Variants in PRKDC observed in about 807,000 individuals in gnomAD.
The protein encoded by PRKDC is protein kinase, DNA-activated, catalytic subunit, also known as DNA-dependent protein kinase catalytic subunit.
In PRKDC, 82 loss-of-function variants were observed where a neutral mutation model predicts 486.9. That is an observed-to-expected ratio of 0.17 (90% CI 0.14 to 0.20). PRKDC has a LOEUF of 0.20. Ranked by LOEUF, PRKDC falls within the 10% of genes least tolerant of loss-of-function variation. The probability of loss-of-function intolerance (pLI) is 1.00; values close to 1 mark genes in which losing one functional copy is unlikely to be tolerated. For synonymous variants in PRKDC, 1,895 were observed against 1,837.0 expected, an observed-to-expected ratio of 1.03 and a Z score of -0.81; for missense variants, 4,504 against 5,038.2, an observed-to-expected ratio of 0.89 and a Z score of 3.21.
At chr8:47,888,712 A>G in intron 33 of PRKDC, 62 bp from the exon 34 acceptor site, 1 of 1,478,406 alleles carries the variant, frequency 6.8e-7, no homozygotes, top group Non-Finnish European at 9.0e-7. Context: ...ATCAAGATAC[A>G]CTGAAAAAAA....
chr8:47,795,408 C>T (rs1201557488), intron 73 of PRKDC, among the ~76,000 whole-genome samples: 1 of 151,592 alleles, frequency 6.6e-6, no homozygotes, highest in Non-Finnish European at 1.5e-5. Context: ...CCAGGATGGT[C>T]TCAATCTCGT....
At chr8:47,777,118 C>G in intron 84 of PRKDC, 135 bp from the exon 85 acceptor site, 15 of 1,068,898 alleles carry the variant, frequency 1.4e-5, no homozygotes, top group Non-Finnish European at 1.9e-5. Flanking sequence ...TCTACAGCTA[C>G]AAAGCTGTTC....
At chr8:47,813,911 A>C (rs1024913236) in intron 68 of PRKDC, among the ~76,000 whole-genome samples, 1 of 152,258 alleles carries the variant, frequency 6.6e-6, no homozygotes, top group Non-Finnish European at 1.5e-5. Flanking sequence ...AACATGCCTT[A>C]CTCATCTTAT....
chr8:47,798,693 G>A (rs920127229), intron 72 of PRKDC, among the ~76,000 whole-genome samples: 11 of 152,232 alleles, frequency 7.2e-5, no homozygotes, highest in African/African-American at 2.6e-4. Context: ...CAGGCCACAC[G>A]AGCCAGTAAT....
rs186056152 is a variant in PRKDC at position 47,871,008 on chromosome 8, T to A, written c.5364-6245A>T. On this transcript the variant is annotated intron_variant, in intron 40 of 85. Coordinates refer to ENST00000314191, the MANE Select transcript of PRKDC (RefSeq NM_006904.7). ...GCAGAAGAAAGAATTAATGAACATG[T>A]AGGCAGGCTATTTGAAAATACACAG... Among the ~76,000 whole-genome samples, 607 of 152,224 alleles carry A rather than the reference T, an allele frequency of 4.0e-3. 4 individuals are homozygous for A. The highest frequency in any genetic ancestry group is 0.025 in the South Asian group (120 of 4,830).
intron 21 of PRKDC, chr8:47,926,709 CTT>C (rs1325624037): frequency 6.6e-6 from 1 of 152,206 alleles, no homozygotes; most frequent in African/African-American, 2.4e-5. Context: ...TTCTTTGACT[CTT>C]TTCCCAAACC....
chr8:47,900,291 A>C, intron 28 of PRKDC, 82 bp downstream of exon 28: 1 of 988,006 alleles, frequency 1.0e-6, no homozygotes, highest in Non-Finnish European at 1.4e-6. Flanking sequence ...AAACCTTATA[A>C]GAGAATCACA....
At chr8:47,865,251 T>C (rs976390009) in intron 40 of PRKDC, among the ~76,000 whole-genome samples, 3 of 152,000 alleles carry the variant, frequency 2.0e-5, no homozygotes, top group Admixed American at 6.6e-5. Flanking sequence ...CTGGGCGTGG[T>C]GGTGTGCGCC....
intron 12 of PRKDC, 73 bp downstream of exon 12, chr8:47,936,280 G>C: frequency 6.8e-7 from 1 of 1,479,144 alleles, no homozygotes; most frequent in Non-Finnish European, 9.1e-7. Context: ...TAAATGTATT[G>C]TATGACTCCA....
At chr8:47,893,527 T>A in intron 30 of PRKDC, 140 bp from the exon 31 acceptor site, 1 of 861,520 alleles carries the variant, frequency 1.2e-6, no homozygotes, top group Non-Finnish European at 1.6e-6. Context: ...TGTAATTACT[T>A]CCAAGAAGGT....
chr8:47,899,278 T>C (rs2154502194), intron 28 of PRKDC, among the ~76,000 whole-genome samples: 1 of 152,300 alleles, frequency 6.6e-6, no homozygotes, highest in African/African-American at 2.4e-5. Flanking sequence ...CAATGAGGAC[T>C]AAATTTTACA....
rs2087317225 is a variant in PRKDC at position 47,811,100 on chromosome 8, A to C, written c.9558-3774T>G. ...AGGTAAGTGAACTTCAGATGGGATAAATTCAAAGAGAACCAGGCCTAGACA... is the reference window on the plus strand; with the variant it reads ...AGGTAAGTGAACTTCAGATGGGATACATTCAAAGAGAACCAGGCCTAGACA... On this transcript the variant is annotated intron_variant, in intron 68 of 85. Coordinates refer to ENST00000314191, the MANE Select transcript of PRKDC (RefSeq NM_006904.7). Among the ~76,000 whole-genome samples, 3 of 152,372 alleles carry C rather than the reference A, an allele frequency of 2.0e-5. No homozygotes were observed. The South Asian group carries it at 6.2e-4, about 32-fold the overall frequency.
At chr8:47,884,154 C>T (rs1229070942) in intron 36 of PRKDC, among the ~76,000 whole-genome samples, 3 of 152,236 alleles carry the variant, frequency 2.0e-5, no homozygotes, top group Non-Finnish European at 4.4e-5. Context: ...ATGCCAGAGC[C>T]CCCAGTCTGG....
chr8:47,870,449 C>G (rs189270287), intron 40 of PRKDC, among the ~76,000 whole-genome samples: 240 of 152,268 alleles, frequency 1.6e-3, no homozygotes, highest in African/African-American at 5.4e-3. Context: ...AAGGTGGTAC[C>G]TCTATAAGTC....
intron 7 of PRKDC, among the ~76,000 whole-genome samples, chr8:47,945,601 G>A (rs981026965): frequency 2.6e-5 from 4 of 152,198 alleles, no homozygotes; most frequent in South Asian, 4.1e-4. Flanking sequence ...TTAAGTCTAA[G>A]TAATGTTCCA....
At position 47,858,967 on chromosome 8, in the gene PRKDC, A is replaced by C; in HGVS notation, c.6227T>G (p.Val2076Gly). 6.2e-7 allele frequency: 1 copy of C among 1,613,234 alleles called. No individual in the cohort carries two copies. The highest frequency in any genetic ancestry group is 8.5e-7 in the Non-Finnish European group (1 of 1,179,884). The change falls in exon 47 of 86, where the codon GTG becomes GGG. Residue 2076 changes from valine to glycine, a missense_variant. Coordinates refer to ENST00000314191, the MANE Select transcript of PRKDC (RefSeq NM_006904.7). ...CTCCAGCTCCAGCACATCATCATGC[A>C]CCGTGGGGTCCCGCTGCTCCTGCGA... Reference protein sequence around the residue: ...FRRREQRDPTVHDDVLELEMD... With the variant: ...FRRREQRDPTGHDDVLELEMD...
At chr8:47,948,628 T>G (rs953885069) in intron 7 of PRKDC, among the ~76,000 whole-genome samples, 1 of 151,574 alleles carries the variant, frequency 6.6e-6, no homozygotes, top group African/African-American at 2.4e-5. Context: ...CCCAGCTAAT[T>G]TTTTGTATTT....
chr8:47,806,520 A>C (rs913377030), intron 69 of PRKDC, among the ~76,000 whole-genome samples: 5 of 152,254 alleles, frequency 3.3e-5, no homozygotes, highest in African/African-American at 1.2e-4. Flanking sequence ...TTTCTACTAG[A>C]ATATCATCCT....
rs878961476 is a variant in PRKDC at position 47,881,666 on chromosome 8, C to T, written c.4963-146G>A. The T allele has an allele frequency of 3.9e-5, 24 of 610,416 alleles. No individual in the cohort carries two copies. The South Asian group carries it at 6.0e-4, about 15-fold the overall frequency. The allele number at this position is 610,416 out of a possible 1,614,324, so 37.8% of individuals were successfully genotyped here. On this transcript the variant is annotated intron_variant, in intron 37 of 85. Transcript: ENST00000314191. Reference sequence around the variant, plus strand: ...ATATTTTCACAATCTTATTGTAAAACATTGTAATACTATCTGTTAGGACAA... The same window carrying T: ...ATATTTTCACAATCTTATTGTAAAATATTGTAATACTATCTGTTAGGACAA...
Sources: gnomAD v4.1 joint callset for allele counts (sites outside exome capture counted in the v4.1 genomes callset) on GRCh38, gnomAD v4.1.1 for gene constraint, MANE v1.5 for transcripts, NCBI Gene and HGNC (gene_info 2026-07-23, HGNC 2026-07-21) for gene names.